Variants in TTC6 observed in about 807,000 individuals in gnomAD.
TTC6 encodes tetratricopeptide repeat domain 6.
TTC6 carries 172 observed loss-of-function variants against 210.4 expected under a neutral mutation model. That is an observed-to-expected ratio of 0.82 (90% CI 0.72 to 0.93). The LOEUF (loss-of-function observed/expected upper bound fraction) is 0.93, where lower values mean the gene tolerates loss of function less well. TTC6 is among the 40% of genes least tolerant of loss of function. The pLI, the probability that TTC6 is intolerant of heterozygous loss-of-function variation, is 0.00. For synonymous variants in TTC6, 804 were observed against 819.6 expected (o/e 0.98, Z 0.32); for missense variants, 2,414 against 2,318.1 (o/e 1.04, Z -0.85).
chr14:37,741,800 G>C (rs1026295014), intron 10 of TTC6, among the ~76,000 whole-genome samples: 2 of 152,156 alleles, frequency 1.3e-5, no homozygotes, highest in Non-Finnish European at 2.9e-5. Context: ...CCAGATTCAT[G>C]CATTTCCTTT....
intron 27 of TTC6, 128 bp downstream of exon 29, chr14:37,824,085 G>A (rs763552939): frequency 9.8e-6 from 9 of 916,930 alleles, no homozygotes; most frequent in Non-Finnish European, 1.5e-5. Flanking sequence ...TTTACTTTTA[G>A]GTTCCAGAGT....
intron 6 of TTC6, among the ~76,000 whole-genome samples, chr14:37,715,099 A>G (rs2095850471): frequency 6.6e-6 from 1 of 152,128 alleles, no homozygotes; most frequent in African/African-American, 2.4e-5. Flanking sequence ...AGCCCAGGCA[A>G]TTGAGGCCTC....
intron 14 of TTC6, among the ~76,000 whole-genome samples, chr14:37,767,429 G>T (rs1445833962): frequency 6.6e-6 from 1 of 152,162 alleles, no homozygotes; most frequent in Non-Finnish European, 1.5e-5. Context: ...GTGTAAAAGT[G>T]TTCCTATTTC....
At chr14:37,821,772 CTTTTTTTT>C (rs35078384) in intron 26 of TTC6, among the ~76,000 whole-genome samples, 1 of 69,148 alleles carries the variant, frequency 1.4e-5, no homozygotes, top group African/African-American at 6.7e-5. Context: ...AAGAGCTAGT[CTTTTTTTT>C]TTTTTTTTTT....
intron 29 of TTC6, among the ~76,000 whole-genome samples, chr14:37,836,162 C>T (rs982702081): frequency 1.3e-5 from 2 of 152,174 alleles, no homozygotes; most frequent in African/African-American, 4.8e-5. Flanking sequence ...TTGTCATCTT[C>T]CATAAAGTCA....
At chr14:37,769,531 G>A (rs2096010955) in intron 14 of TTC6, among the ~76,000 whole-genome samples, 1 of 152,170 alleles carries the variant, frequency 6.6e-6, no homozygotes, top group Non-Finnish European at 1.5e-5. Context: ...TTAGTCTTGG[G>A]AGAGTGTATG....
chr14:37,727,087 G>T (rs1472549555), intron 7 of TTC6, among the ~76,000 whole-genome samples: 1 of 151,386 alleles, frequency 6.6e-6, no homozygotes, highest in East Asian at 1.9e-4. Context: ...TTTTTAGAAA[G>T]ATATATAATA....
At chr14:37,595,815 G>A (rs76470659), upstream of TTC6, 6,517 of 152,300 alleles carry the variant, frequency 0.043, 237 homozygotes, top group East Asian at 0.17. Flanking sequence ...CCGGGAGACT[G>A]GAGAATACAG....
At chr14:37,788,959 T>A (rs2096073555) in intron 15 of TTC6, among the ~76,000 whole-genome samples, 1 of 152,136 alleles carries the variant, frequency 6.6e-6, no homozygotes, top group Non-Finnish European at 1.5e-5. Flanking sequence ...ATACAAGTTT[T>A]GGGCTTCTCA....
intron 14 of TTC6, among the ~76,000 whole-genome samples, chr14:37,756,525 A>G (rs2095968322): frequency 6.6e-6 from 1 of 152,204 alleles, no homozygotes; most frequent in Non-Finnish European, 1.5e-5. Context: ...CATTCCTTCA[A>G]TGCCTAGTTT....
At chr14:37,611,877 T>C (rs1271769026) in intron 2 of TTC6, among the ~76,000 whole-genome samples, 1 of 152,142 alleles carries the variant, frequency 6.6e-6, no homozygotes, top group African/African-American at 2.4e-5. Context: ...CTCCAACTCC[T>C]TGGTGGACGG....
chr14:37,711,092 A>G (rs942874295), intron 5 of TTC6, among the ~76,000 whole-genome samples: 3 of 152,098 alleles, frequency 2.0e-5, no homozygotes, highest in Non-Finnish European at 2.9e-5. Context: ...GATACTAATG[A>G]TGCTCGATAG....
intron 26 of TTC6, among the ~76,000 whole-genome samples, chr14:37,818,445 A>T (rs1247476186): frequency 6.6e-6 from 1 of 152,130 alleles, no homozygotes; most frequent in African/African-American, 2.4e-5. Context: ...TTGGTTAAAT[A>T]ATAGTTTATA....
At chr14:37,808,400 T>G (rs2096123080) in intron 23 of TTC6, among the ~76,000 whole-genome samples, 1 of 152,186 alleles carries the variant, frequency 6.6e-6, no homozygotes, top group Admixed American at 6.5e-5. Flanking sequence ...GTTTGCTGCA[T>G]TAATATGGGT....
At chr14:37,674,409 A>C (rs940672067) in intron 1 of TTC6, among the ~76,000 whole-genome samples, 1 of 152,174 alleles carries the variant, frequency 6.6e-6, no homozygotes, top group African/African-American at 2.4e-5. Flanking sequence ...TGATGGTACC[A>C]ATAGGCATCC....
intron 1 of TTC6, among the ~76,000 whole-genome samples, chr14:37,678,767 T>A (rs1206096622): frequency 6.6e-6 from 1 of 152,210 alleles, no homozygotes; most frequent in Non-Finnish European, 1.5e-5. Flanking sequence ...AGTTTTATAG[T>A]TATTTATAAC....
At chr14:37,658,544 G>A (rs2095729859) in intron 1 of TTC6, among the ~76,000 whole-genome samples, 1 of 152,250 alleles carries the variant, frequency 6.6e-6, no homozygotes, top group African/African-American at 2.4e-5. Flanking sequence ...TGGATGTAGT[G>A]TATGGAATGA....
chr14:37,772,083 C>T (rs567864903), intron 14 of TTC6, among the ~76,000 whole-genome samples: 1 of 152,254 alleles, frequency 6.6e-6, no homozygotes, highest in Admixed American at 6.5e-5. Flanking sequence ...TCAGTGTGCC[C>T]CTGCTGGGGG....
At chr14:37,747,772 T>C (rs191489617) in intron 10 of TTC6, among the ~76,000 whole-genome samples, 5 of 152,240 alleles carry the variant, frequency 3.3e-5, no homozygotes, top group African/African-American at 7.2e-5. Flanking sequence ...ACGAAACATA[T>C]CTGGCACAGA....
Sources: gnomAD v4.1 joint callset for allele counts (sites outside exome capture counted in the v4.1 genomes callset) on GRCh38, gnomAD v4.1.1 for gene constraint, MANE v1.5 for transcripts, NCBI Gene and HGNC (gene_info 2026-07-23, HGNC 2026-07-21) for gene names.